The following RBM20 variants were observed in gnomAD, a reference collection of about 807,000 sequenced individuals.
RBM20 encodes the protein RNA-binding protein 20.
Under a neutral mutation model 110.1 loss-of-function variants are expected in RBM20, and 51 were observed. The ratio of observed to expected loss-of-function variants is 0.46; its 90% confidence interval spans 0.37 to 0.59. The LOEUF (loss-of-function observed/expected upper bound fraction) is 0.59, where lower values mean the gene tolerates loss of function less well. Ranked by LOEUF, RBM20 falls within the 20% of genes least tolerant of loss-of-function variation. RBM20 has a pLI of 0.00. For synonymous variants in RBM20, 589 were observed against 618.2 expected (o/e 0.95, Z 0.70); for missense variants, 1,512 against 1,574.9 (o/e 0.96, Z 0.68).
At position 110,703,880 on chromosome 10, in the gene RBM20, G is replaced by A. The variant is rs143465598; in HGVS notation, c.191+59235G>A. 2.9e-3 allele frequency among the ~76,000 whole-genome samples: 438 copies of A among 152,322 alleles called. 5 individuals are homozygous for A. The highest frequency in any genetic ancestry group is 9.6e-3 in the African/African-American group (398 of 41,574). On this transcript the variant is annotated intron_variant, in intron 1 of 13. Coordinates refer to ENST00000369519, the MANE Select transcript of RBM20 (RefSeq NM_001134363.3). ...TAATCCCAGCATTTTGGGAGGCCAC[G>A]GTGGGTGGATCACTTGAGGCCAGGA...
rs551966165 is a variant in RBM20 at position 110,777,206 on chromosome 10, G to A, written c.192-3595G>A. ...TATGTCTGGTGGAGTAGAAAGGCAC[G>A]CACGCAATTATTTTTAACCCAAGGC... is the stretch of plus-strand genomic sequence containing the variant. On this transcript the variant is annotated intron_variant, in intron 1 of 13. Transcript: ENST00000369519. Among the ~76,000 whole-genome samples the A allele has an allele frequency of 2.0e-4, 30 of 152,284 alleles. No homozygotes were observed. The East Asian group carries it at 2.5e-3, about 13-fold the overall frequency.
At chr10:110,670,905 A>G (rs1461380373) in intron 1 of RBM20, among the ~76,000 whole-genome samples, 1 of 152,224 alleles carries the variant, frequency 6.6e-6, no homozygotes, top group African/African-American at 2.4e-5. Flanking sequence ...CATATATTTT[A>G]AAGTATCACA....
intron 1 of RBM20, among the ~76,000 whole-genome samples, chr10:110,672,171 C>T (rs1363376070): frequency 2.6e-5 from 4 of 152,244 alleles, no homozygotes; most frequent in Admixed American, 6.5e-5. Context: ...CTTTGCGTTT[C>T]TCCGCGCACT....
At chr10:110,738,357 G>C (rs1038130155) in intron 1 of RBM20, among the ~76,000 whole-genome samples, 5 of 152,162 alleles carry the variant, frequency 3.3e-5, no homozygotes, top group African/African-American at 9.7e-5. Flanking sequence ...TGAGCAGGAG[G>C]GGTCTGGGGG....
rs76197938 is a variant in RBM20 at position 110,673,832 on chromosome 10, G to A, written c.191+29187G>A. ...ACTAGAGGTTGTGTTGGATTGCTAA[G>A]TTCAGAGAGCCATCAGAAATTGTTA... On this transcript the variant is annotated intron_variant, in intron 1 of 13. Coordinates refer to ENST00000369519, the MANE Select transcript of RBM20 (RefSeq NM_001134363.3). 3.0e-3 allele frequency among the ~76,000 whole-genome samples: 458 copies of A among 152,302 alleles called. 16 individuals are homozygous for A. In the East Asian group the frequency reaches 0.076, roughly 25 times the overall value.
At chr10:110,822,541 CT>C in intron 11 of RBM20, 1 of 453,484 alleles carries the variant, frequency 2.2e-6, no homozygotes, top group Middle Eastern at 3.3e-4. Context: ...TTAAAATAGG[CT>C]AAGCCCCGTC....
chr10:110,803,556 G>A (rs562508952), intron 7 of RBM20, among the ~76,000 whole-genome samples: 8 of 152,012 alleles, frequency 5.3e-5, no homozygotes, highest in Non-Finnish European at 7.4e-5. Flanking sequence ...GGTGGTCCTC[G>A]GAGAACACTT....
At chr10:110,803,344 G>GA (rs910304498) in intron 7 of RBM20, among the ~76,000 whole-genome samples, 11 of 152,078 alleles carry the variant, frequency 7.2e-5, no homozygotes, top group Admixed American at 2.0e-4. Context: ...TTGTCTATGT[G>GA]AAAAAAACCT....
At chr10:110,751,002 C>CAGATAGGATG (rs11282720) in intron 1 of RBM20, among the ~76,000 whole-genome samples, 1 of 151,626 alleles carries the variant, frequency 6.6e-6, no homozygotes, top group African/African-American at 2.4e-5. Flanking sequence ...CGAAGTGGGG[C>CAGATAGGATG]AGACTAGAGT....
chr10:110,668,021 A>C (rs1458346892), intron 1 of RBM20, among the ~76,000 whole-genome samples: 1 of 152,214 alleles, frequency 6.6e-6, no homozygotes, highest in Non-Finnish European at 1.5e-5. Context: ...AAAAATATGA[A>C]GATCACTGCG....
chr10:110,819,496 A>G (rs1844881014), intron 9 of RBM20, among the ~76,000 whole-genome samples: 1 of 152,362 alleles, frequency 6.6e-6, no homozygotes, highest in South Asian at 2.1e-4. Context: ...TCAGTTTCAC[A>G]GACATGCGCA....
At chr10:110,761,358 A>G (rs1041856374) in intron 1 of RBM20, 1 of 122,320 alleles carries the variant, frequency 8.2e-6, no homozygotes, top group African/African-American at 3.2e-5. Context: ...ACCAGAGGAA[A>G]GCCTTTTACA....
At chr10:110,677,124 C>A (rs1318720653) in intron 1 of RBM20, among the ~76,000 whole-genome samples, 1 of 152,128 alleles carries the variant, frequency 6.6e-6, no homozygotes, top group African/African-American at 2.4e-5. Context: ...TCTGTAGAAT[C>A]CCGAGGTGGC....
intron 1 of RBM20, among the ~76,000 whole-genome samples, chr10:110,758,014 C>CTTGTTTTTTTTT (rs1843943188): frequency 2.5e-5 from 2 of 79,910 alleles, no homozygotes; most frequent in African/African-American, 5.2e-5. Context: ...GATCCTTGTT[C>CTTGTTTTTTTTT]TTTTTTTTTT....
chr10:110,834,260 G>A (rs968783883), intron 13 of RBM20, among the ~76,000 whole-genome samples: 1 of 152,222 alleles, frequency 6.6e-6, no homozygotes, highest in African/African-American at 2.4e-5. Flanking sequence ...CAAGGCAGAG[G>A]AGAACCCAGG....
intron 1 of RBM20, among the ~76,000 whole-genome samples, chr10:110,700,577 C>G (rs757413943): frequency 7.2e-5 from 11 of 152,166 alleles, no homozygotes; most frequent in Non-Finnish European, 1.6e-4. Context: ...GACCCAAAGT[C>G]TTTCCATCCC....
chr10:110,712,495 G>A (rs778272133), intron 1 of RBM20, among the ~76,000 whole-genome samples: 8 of 152,160 alleles, frequency 5.3e-5, no homozygotes, highest in African/African-American at 1.7e-4. Flanking sequence ...GGCTGGGTGC[G>A]GTGGCTCACC....
chr10:110,814,500 T>A (rs967024870), intron 9 of RBM20, among the ~76,000 whole-genome samples: 2 of 150,904 alleles, frequency 1.3e-5, no homozygotes, highest in Non-Finnish European at 3.0e-5. Context: ...TTTGTTTTGT[T>A]TTTTTTTTTG....
chr10:110,669,437 T>C (rs1326131641), intron 1 of RBM20, among the ~76,000 whole-genome samples: 1 of 152,248 alleles, frequency 6.6e-6, no homozygotes, highest in African/African-American at 2.4e-5. Flanking sequence ...ACAATCTATC[T>C]GAAAAGCCTC....
Sources: allele counts gnomAD v4.1 joint callset (sites outside exome capture counted in the v4.1 genomes callset), GRCh38; gene constraint gnomAD v4.1.1; transcripts MANE v1.5; gene names NCBI Gene and HGNC (gene_info 2026-07-23, HGNC 2026-07-21).